The following PALM2AKAP2 variants were observed in gnomAD, a reference collection of about 807,000 sequenced individuals.
PALM2AKAP2 encodes the protein PALM2 and AKAP2 fusion, also known as PALM2-AKAP2 fusion protein.
In PALM2AKAP2, 37 loss-of-function variants were observed where a neutral mutation model predicts 71.5. That is an observed-to-expected ratio of 0.52 (90% CI 0.40 to 0.68). The LOEUF (loss-of-function observed/expected upper bound fraction) is 0.68, where lower values mean the gene tolerates loss of function less well. Ranked by LOEUF, PALM2AKAP2 falls within the 30% of genes least tolerant of loss-of-function variation. PALM2AKAP2 has a pLI of 0.00. For missense variants in PALM2AKAP2, 1,224 were observed against 1,191.8 expected (o/e 1.03, Z -0.40); for synonymous variants, 468 against 478.8 (o/e 0.98, Z 0.29).
intron 1 of PALM2AKAP2, among the ~76,000 whole-genome samples, chr9:109,697,892 T>C (rs752664791): frequency 2.0e-5 from 3 of 152,210 alleles, no homozygotes; most frequent in South Asian, 2.1e-4. Context: ...TTAATTACCA[T>C]TCATTTTACC....
At chr9:109,762,554 G>C (rs1180114490) in intron 1 of PALM2AKAP2, among the ~76,000 whole-genome samples, 1 of 152,156 alleles carries the variant, frequency 6.6e-6, no homozygotes, top group Non-Finnish European at 1.5e-5. Flanking sequence ...TATTGGAGCT[G>C]GCAATGTCTT....
chr9:109,684,770 C>A (rs1389528179), intron 1 of PALM2AKAP2, among the ~76,000 whole-genome samples: 1 of 152,144 alleles, frequency 6.6e-6, no homozygotes, highest in Non-Finnish European at 1.5e-5. Flanking sequence ...CATATACTTA[C>A]TATATGAACT....
intron 6 of PALM2AKAP2, among the ~76,000 whole-genome samples, chr9:109,998,133 T>G (rs951265887): frequency 1.3e-5 from 2 of 152,202 alleles, no homozygotes; most frequent in African/African-American, 4.8e-5. Flanking sequence ...TTTGTTGTGA[T>G]CAAGCAAGAT....
intron 1 of PALM2AKAP2, among the ~76,000 whole-genome samples, chr9:109,678,669 C>T (rs1044347524): frequency 2.0e-5 from 3 of 152,074 alleles, no homozygotes; most frequent in African/African-American, 7.2e-5. Flanking sequence ...AGACAAGGTA[C>T]AGACAGAGGA....
intron 1 of PALM2AKAP2, among the ~76,000 whole-genome samples, chr9:109,760,819 T>C (rs1829039621): frequency 6.6e-6 from 1 of 152,212 alleles, no homozygotes; most frequent in Non-Finnish European, 1.5e-5. Context: ...TCAATTTTCC[T>C]CCCCAAGAGC....
At chr9:110,102,048 G>A (rs532481843) in intron 1 of PALM2AKAP2, among the ~76,000 whole-genome samples, 1 of 152,266 alleles carries the variant, frequency 6.6e-6, no homozygotes, top group South Asian at 2.1e-4. Flanking sequence ...TCTCATTTTC[G>A]GATAAGGAAG....
At chr9:109,671,002 T>A in intron 1 of PALM2AKAP2, among the ~76,000 whole-genome samples, 1 of 152,240 alleles carries the variant, frequency 6.6e-6, no homozygotes, top group Admixed American at 6.5e-5. Context: ...TTTAAGTTCC[T>A]TATTTATGCT....
intron 1 of PALM2AKAP2, among the ~76,000 whole-genome samples, chr9:109,790,020 T>G (rs1334208069): frequency 6.6e-6 from 1 of 152,122 alleles, no homozygotes; most frequent in Non-Finnish European, 1.5e-5. Flanking sequence ...TTCTATAGGA[T>G]CATATAAGTT....
intron 6 of PALM2AKAP2, among the ~76,000 whole-genome samples, chr9:109,976,024 G>C (rs1388525027): frequency 2.0e-5 from 3 of 152,180 alleles, no homozygotes; most frequent in Non-Finnish European, 2.9e-5. Context: ...TATAAATAAA[G>C]ATTTATTGGA....
intron 6 of PALM2AKAP2, among the ~76,000 whole-genome samples, chr9:109,974,975 T>G (rs1360390619): frequency 6.6e-6 from 1 of 152,186 alleles, no homozygotes; most frequent in Non-Finnish European, 1.5e-5. Context: ...AACAGATGAC[T>G]CTACTTTCAG....
Position 109,858,058 on chromosome 9 carries a change from C to T in PALM2AKAP2, c.46-9433C>T, listed in dbSNP as rs73535562. 5.0e-3 allele frequency among the ~76,000 whole-genome samples: 768 copies of T among 152,362 alleles called. 3 individuals carry two copies. Among genetic ancestry groups the T allele is most frequent in the African/African-American group, 0.018 (732 of 41,578 alleles). ...CACCTTCATTTATTAAGTCCCTGCA[C>T]TCTACCAGGTGATGTGTTAGTTCCA... is the stretch of plus-strand genomic sequence containing the variant. On this transcript the variant is annotated intron_variant, in intron 1 of 9. Coordinates refer to the PALM2AKAP2 transcript ENST00000302798.
chr9:110,023,823 CT>C (rs1833123287), intron 7 of PALM2AKAP2, among the ~76,000 whole-genome samples: 1 of 151,900 alleles, frequency 6.6e-6, no homozygotes, highest in African/African-American at 2.4e-5. Context: ...AAAACCCAGT[CT>C]CTACGAAATA....
intron 1 of PALM2AKAP2, among the ~76,000 whole-genome samples, chr9:110,108,126 T>C (rs1588113332): frequency 6.6e-6 from 1 of 151,232 alleles, no homozygotes; most frequent in East Asian, 1.9e-4. Flanking sequence ...TTCTTTTTTT[T>C]TTTTTTGAGA....
chr9:109,853,941 C>T (rs948153257), intron 1 of PALM2AKAP2, among the ~76,000 whole-genome samples: 1 of 152,212 alleles, frequency 6.6e-6, no homozygotes, highest in Non-Finnish European at 1.5e-5. Context: ...TGGGCTCTCA[C>T]TGGCTCAAAC....
At chr9:109,963,950 A>G (rs1309275415) in intron 6 of PALM2AKAP2, among the ~76,000 whole-genome samples, 2 of 152,180 alleles carry the variant, frequency 1.3e-5, no homozygotes, top group Non-Finnish European at 2.9e-5. Flanking sequence ...GGGTACAAAG[A>G]GTAGGGAAGA....
chr9:110,120,148 A>T (rs933103595), intron 1 of PALM2AKAP2, among the ~76,000 whole-genome samples: 1 of 152,212 alleles, frequency 6.6e-6, no homozygotes, highest in Admixed American at 6.5e-5. Context: ...TCAGATGCTG[A>T]TACTTAGACT....
chr9:109,946,736 A>C (rs930446940), intron 6 of PALM2AKAP2: 1 of 151,000 alleles, frequency 6.6e-6, no homozygotes, highest in Non-Finnish European at 1.5e-5. Flanking sequence ...TCCCTTTTAA[A>C]TAGAAAGAGG....
chr9:110,085,150 C>T (rs1588098639), intron 1 of PALM2AKAP2, among the ~76,000 whole-genome samples: 2 of 152,096 alleles, frequency 1.3e-5, no homozygotes, highest in East Asian at 3.8e-4. Context: ...GAGGAAAAAT[C>T]GGAGGGAAGC....
intron 1 of PALM2AKAP2, among the ~76,000 whole-genome samples, chr9:109,752,366 T>G (rs1053697553): frequency 6.6e-6 from 1 of 152,172 alleles, no homozygotes; most frequent in African/African-American, 2.4e-5. Context: ...GCTATACTGG[T>G]GATTTTGACT....
Sources: allele counts gnomAD v4.1 joint callset (sites outside exome capture counted in the v4.1 genomes callset), GRCh38; gene constraint gnomAD v4.1.1; transcripts MANE v1.5; gene names NCBI Gene and HGNC (gene_info 2026-07-23, HGNC 2026-07-21).